The following PEDS1 variants were observed in gnomAD, a reference collection of about 807,000 sequenced individuals.
The protein encoded by PEDS1 is CarF homolog.
Under a neutral mutation model 35.2 loss-of-function variants are expected in PEDS1, and 14 were observed. That is an observed-to-expected ratio of 0.40 (90% CI 0.26 to 0.62). The LOEUF is 0.62. PEDS1 is among the 20% of genes least tolerant of loss of function. The probability of loss-of-function intolerance (pLI) is 0.44; values close to 1 mark genes in which losing one functional copy is unlikely to be tolerated. For synonymous variants in PEDS1, 152 were observed against 152.0 expected (o/e 1.00, Z 0.00); for missense variants, 260 against 367.8 (o/e 0.71, Z 2.40).
chr20:50,139,090 C>T (rs1383220847), intron 2 of PEDS1, among the ~76,000 whole-genome samples: 1 of 152,188 alleles, frequency 6.6e-6, no homozygotes, highest in Non-Finnish European at 1.5e-5. Flanking sequence ...CTACCGCCTT[C>T]CAGCTCAGTC....
At position 50,123,299 on chromosome 20, in the gene PEDS1, C is replaced by T. The variant is rs915567881; in HGVS notation, c.*1759G>A. On this transcript the variant is annotated 3_prime_UTR_variant, in exon 6 of 6. Coordinates refer to ENST00000371652, the MANE Select transcript of PEDS1 (RefSeq NM_199129.4). ...TTTTTTTTCTAAGCGAAGTCTCGCT[C>T]TTATCCCCCAGGTTTGAGTGCAATG... The T allele has an allele frequency of 3.3e-5, 5 of 151,312 alleles. No individual in the cohort carries two copies. The highest frequency in any genetic ancestry group is 3.3e-4 in the Admixed American group (5 of 15,176). The allele number at this position is 151,312 out of a possible 1,614,324, so 9.4% of individuals were successfully genotyped here. A position where few individuals can be genotyped will look rare whatever the true frequency, so the allele number is the denominator to read the frequency against.
intron 2 of PEDS1, among the ~76,000 whole-genome samples, chr20:50,131,787 CCAA>C (rs1226130456): frequency 4.0e-5 from 6 of 151,748 alleles, no homozygotes; most frequent in Non-Finnish European, 7.4e-5. Context: ...CCCTCAGACT[CCAA>C]CACCATTCAC....
intron 1 of PEDS1, among the ~76,000 whole-genome samples, chr20:50,151,797 T>C (rs544152850): frequency 3.9e-5 from 6 of 152,116 alleles, no homozygotes; most frequent in Non-Finnish European, 8.8e-5. Flanking sequence ...AGGAGGAGCT[T>C]GCAGTGAGCC....
At chr20:50,145,853 AG>A (rs1252389403) in intron 1 of PEDS1, among the ~76,000 whole-genome samples, 1 of 152,192 alleles carries the variant, frequency 6.6e-6, no homozygotes, top group Non-Finnish European at 1.5e-5. Flanking sequence ...ACTACATATC[AG>A]GCGCCTGCTG....
At chr20:50,131,531 A>G (rs2147277002) in intron 2 of PEDS1, among the ~76,000 whole-genome samples, 1 of 152,146 alleles carries the variant, frequency 6.6e-6, no homozygotes, top group East Asian at 1.9e-4. Flanking sequence ...CTGAGGCAGG[A>G]GAATCACTTG....
chr20:50,146,155 G>A (rs981842276), intron 1 of PEDS1, among the ~76,000 whole-genome samples: 1 of 152,150 alleles, frequency 6.6e-6, no homozygotes, highest in South Asian at 2.1e-4. Context: ...GGTGAGAAGG[G>A]CTCCTCCTGT....
At chr20:50,143,858 C>T in intron 1 of PEDS1, among the ~76,000 whole-genome samples, 8 of 152,022 alleles carry the variant, frequency 5.3e-5, no homozygotes, top group South Asian at 4.1e-4. Context: ...CCACCATGCC[C>T]GGCTAATTTT....
In PEDS1 at chr20:50,122,572, G is replaced by A. The variant is rs1038498723; in HGVS notation, c.*2486C>T. The A allele has an allele frequency of 6.6e-6, 1 of 152,062 alleles. No homozygotes were observed. The highest frequency in any genetic ancestry group is 2.4e-5 in the African/African-American group (1 of 41,392). The allele number at this position is 152,062 out of a possible 1,614,324, so 9.4% of individuals were successfully genotyped here. The stretch of plus-strand genomic sequence containing the variant: ...ACGAAAATTAGCCGGGCATGGTGGT[G>A]GGCGCCTGTAATCCCAGCTACTCAG... On this transcript the variant is annotated 3_prime_UTR_variant, in exon 6 of 6. Transcript: ENST00000371652.
At chr20:50,151,649 A>G (rs58463727) in intron 1 of PEDS1, among the ~76,000 whole-genome samples, 15,117 of 152,140 alleles carry the variant, frequency 0.099, 2,414 homozygotes, top group African/African-American at 0.34. Context: ...CACAAGGTCA[A>G]GAGATCGAGA....
At chr20:50,141,754 T>C (rs773047492) in intron 2 of PEDS1, among the ~76,000 whole-genome samples, 2 of 152,190 alleles carry the variant, frequency 1.3e-5, no homozygotes, top group African/African-American at 2.4e-5. Flanking sequence ...GCAGGGGACA[T>C]GCCTGGCTCC....
At position 50,153,507 on chromosome 20, in the gene PEDS1, G is replaced by A. The variant is rs2147315771; in HGVS notation, c.121+10C>T. 1 of 1,375,122 alleles carries A rather than the reference G, an allele frequency of 7.3e-7. No homozygotes were observed. Among genetic ancestry groups the A allele is most frequent in the South Asian group, 1.6e-5 (1 of 64,244 alleles). 85.2% of individuals were successfully genotyped at this position (1,375,122 alleles called of 1,614,324 possible). A position where few individuals can be genotyped will look rare whatever the true frequency, so the allele number is the denominator to read the frequency against. On this transcript the variant is annotated intron_variant, in intron 1 of 5. Transcript: ENST00000371652. ...GACCGCAGGCCTGGAGGGGGGCCCAGAGGTCTTACCTGGCGAGTAGAGCGC... is the reference window on the plus strand; with the variant it reads ...GACCGCAGGCCTGGAGGGGGGCCCAAAGGTCTTACCTGGCGAGTAGAGCGC...
rs183615377 is a variant in PEDS1, at chr20:50,138,671, C to T, written c.241+4831G>A. On this transcript the variant is annotated intron_variant, in intron 2 of 5. Transcript: ENST00000371652. ...GGCTCCGTGATCTTGCGGCCTCTGCCGGTGGCAGTGACTCCAGGCTGCTGT... is the reference window on the plus strand; with the variant it reads ...GGCTCCGTGATCTTGCGGCCTCTGCTGGTGGCAGTGACTCCAGGCTGCTGT... Among the ~76,000 whole-genome samples, 127 of 152,340 alleles carry T rather than the reference C, an allele frequency of 8.3e-4. 1 individual carries two copies. The highest frequency in any genetic ancestry group is 3.4e-3 in the Middle Eastern group (1 of 294).
Position 50,127,951 on chromosome 20 carries a change from ATTCCACGCCACTG to A in PEDS1, c.691+11_691+23del. 1 of 1,608,098 alleles carries A rather than the reference ATTCCACGCCACTG, an allele frequency of 6.2e-7. No individual in the cohort carries two copies. Among genetic ancestry groups the A allele is most frequent in the Non-Finnish European group, 8.5e-7 (1 of 1,177,474 alleles). Reference sequence around the variant, plus strand: ...GCAGTGGCTGGGGTGGGGAAAGCCCATTCCACGCCACTGGTGGCCGCACCTGTGGTGATGCAGA... The same window carrying A: ...GCAGTGGCTGGGGTGGGGAAAGCCCAGTGGCCGCACCTGTGGTGATGCAGA... On this transcript the variant is annotated intron_variant, in intron 5 of 5. Coordinates refer to ENST00000371652, the MANE Select transcript of PEDS1 (RefSeq NM_199129.4).
chr20:50,123,278 T>G lies in PEDS1; in HGVS notation c.*1780A>C, dbSNP rs1174661378. ...AATCCCAAGCTTGTTCTTTTTTTTT[T>G]TTTCTAAGCGAAGTCTCGCTCTTAT... is the stretch of plus-strand genomic sequence containing the variant. On this transcript the variant is annotated 3_prime_UTR_variant, in exon 6 of 6. Coordinates refer to ENST00000371652, the MANE Select transcript of PEDS1 (RefSeq NM_199129.4). The G allele has an allele frequency of 6.6e-6, 1 of 151,844 alleles. No individual in the cohort carries two copies. Among genetic ancestry groups the G allele is most frequent in the Non-Finnish European group, 1.5e-5 (1 of 67,938 alleles). The allele number at this position is 151,844 out of a possible 1,614,324, so 9.4% of individuals were successfully genotyped here. A position where few individuals can be genotyped will look rare whatever the true frequency, so the allele number is the denominator to read the frequency against.
At chr20:50,131,633 A>C (rs953188427) in intron 2 of PEDS1, among the ~76,000 whole-genome samples, 1 of 152,050 alleles carries the variant, frequency 6.6e-6, no homozygotes, top group Non-Finnish European at 1.5e-5. Flanking sequence ...AAAAAAAAAA[A>C]AGAAAGTACC....
rs2081152059 is a variant in PEDS1 at position 50,129,582 on chromosome 20, G to C, written c.442C>G (p.Leu148Val). The change falls in exon 4 of 6, where the codon CTA becomes GTA. Residue 148 changes from leucine (L) to valine (V), a missense_variant. Physicochemically the swap from Leu to Val is conservative, Grantham distance 32. Transcript: ENST00000371652. The surrounding 1 kb of genome is among the most constrained non-coding windows in gnomAD (Gnocchi z 4.2). Reference protein sequence around the residue: ...DNCLVTLLPLLNMAYKFRTHS... With the variant: ...DNCLVTLLPLVNMAYKFRTHS... ...GTGCGGAACTTGTAGGCCATGTTTA[G>C]CAGCGGCAGCAGTGTCACCAGGCAG... is the stretch of plus-strand genomic sequence containing the variant. 2 of 1,613,990 alleles carry C rather than the reference G, an allele frequency of 1.2e-6. No individual in the cohort carries two copies. Among genetic ancestry groups the C allele is most frequent in the African/African-American group, 1.3e-5 (1 of 74,906 alleles).
Position 50,127,311 on chromosome 20 carries a change from G to A in PEDS1, c.691+664C>T, listed in dbSNP as rs116898795. Among the ~76,000 whole-genome samples the A allele has an allele frequency of 9.7e-3, 1,457 of 149,470 alleles. 13 individuals carry two copies. The highest frequency in any genetic ancestry group is 0.014 in the Non-Finnish European group (932 of 67,708). On this transcript the variant is annotated intron_variant, in intron 5 of 5. Transcript: ENST00000371652. The stretch of plus-strand genomic sequence containing the variant: ...CCAGCTCCCTCACTAGATGGTGAGT[G>A]CCACAAGGGCAAGGATCCGTGTTTT...
At chr20:50,130,101 C>A (rs772850882) in intron 3 of PEDS1, among the ~76,000 whole-genome samples, 3 of 152,214 alleles carry the variant, frequency 2.0e-5, no homozygotes, top group Non-Finnish European at 4.4e-5. Context: ...TCTGACAAGG[C>A]TGACCTCGCC....
chr20:50,130,121 G>A (rs1016090248), intron 3 of PEDS1, among the ~76,000 whole-genome samples: 1 of 152,174 alleles, frequency 6.6e-6, no homozygotes, highest in Non-Finnish European at 1.5e-5. Context: ...CCCGGGCTGA[G>A]AAAGAACACG....
Sources: gnomAD v4.1 joint callset for allele counts (sites outside exome capture counted in the v4.1 genomes callset) on GRCh38, gnomAD v4.1.1 for gene constraint, Gnocchi (gnomAD v3.1) non-coding constraint, MANE v1.5 for transcripts, NCBI Gene and HGNC (gene_info 2026-07-23, HGNC 2026-07-21) for gene names.